The following PCDHGA3 variants were observed in gnomAD, a reference collection of about 807,000 sequenced individuals.
PCDHGA3 encodes protocadherin gamma-A3.
A neutral mutation model predicts 58.5 loss-of-function variants in PCDHGA3; 40 were observed. The ratio of observed to expected loss-of-function variants is 0.68; its 90% CI spans 0.53 to 0.89. The LOEUF (loss-of-function observed/expected upper bound fraction) is 0.89. PCDHGA3 is among the 40% of genes least tolerant of loss of function. The pLI, the probability that PCDHGA3 is intolerant of heterozygous loss-of-function variation, is 0.00. For missense variants in PCDHGA3, 1,223 were observed against 1,195.9 expected (o/e 1.02, Z -0.33); for synonymous variants, 530 against 525.7 (o/e 1.01, Z -0.11).
chr5:141,397,602 G>T (rs2150712888), intron 1 of PCDHGA3, among the ~76,000 whole-genome samples: 1 of 152,296 alleles, frequency 6.6e-6, no homozygotes, highest in African/African-American at 2.4e-5. Flanking sequence ...TATTGCCAGT[G>T]ACAAGGGCAA....
intron 1 of PCDHGA3, among the ~76,000 whole-genome samples, chr5:141,482,161 G>A (rs2099554171): frequency 6.6e-6 from 1 of 152,008 alleles, no homozygotes; most frequent in Non-Finnish European, 1.5e-5. Context: ...TCAAAGATAT[G>A]TAAGATTAAG....
chr5:141,458,970 C>T (rs1260904595), intron 1 of PCDHGA3, among the ~76,000 whole-genome samples: 1 of 152,170 alleles, frequency 6.6e-6, no homozygotes, highest in Admixed American at 6.6e-5. Flanking sequence ...CAGCCTCAAG[C>T]AGTCCTCCTG....
In PCDHGA3 at chr5:141,490,701, C is replaced by T; in HGVS notation, c.2425-4106C>T. On this transcript the variant is annotated intron_variant, in intron 1 of 3. Transcript: ENST00000253812. This position sits in a 1 kb window ranked among gnomAD's most constrained non-coding sequence, Gnocchi z 5.4. Reference sequence around the variant, plus strand: ...CAGATCCAGACACTGGGGATAATGCCCGCCTCACCTACTCCATTGTAGGAA... The same window carrying T: ...CAGATCCAGACACTGGGGATAATGCTCGCCTCACCTACTCCATTGTAGGAA... The T allele has an allele frequency of 6.2e-7, 1 of 1,614,184 alleles. No individual in the cohort carries two copies. The highest frequency in any genetic ancestry group is 8.5e-7 in the Non-Finnish European group (1 of 1,180,008).
chr5:141,421,233 G>T (rs201076931), intron 1 of PCDHGA3: 2 of 1,592,240 alleles, frequency 1.3e-6, no homozygotes, highest in Non-Finnish European at 1.7e-6. Flanking sequence ...CTGCCATGGC[G>T]AATCGGCTAC....
At chr5:141,362,726 A>T (rs1762654584) in intron 1 of PCDHGA3, 1 of 822,880 alleles carries the variant, frequency 1.2e-6, no homozygotes, top group Admixed American at 3.0e-5. Flanking sequence ...CTGAAGTGTG[A>T]GATTTATTTA....
At position 141,477,722 on chromosome 5, in the gene PCDHGA3, A is replaced by G. The variant is rs768705340; in HGVS notation, c.2425-17085A>G. 9.3e-6 allele frequency: 15 copies of G among 1,613,878 alleles called. No homozygotes were observed. In the Middle Eastern group the frequency reaches 6.6e-4, roughly 71 times the overall value. On this transcript the variant is annotated intron_variant, in intron 1 of 3. Transcript: ENST00000253812. The surrounding 1 kb of genome is among the most constrained non-coding windows in gnomAD (Gnocchi z 4.9). ...TGAGGATCGGCGGGAATTTGAATTA[A>G]CAGCTCATATCAGCGATGGGGGCAC...
intron 1 of PCDHGA3, among the ~76,000 whole-genome samples, chr5:141,450,123 T>G (rs565568384): frequency 2.4e-4 from 36 of 150,874 alleles, no homozygotes; most frequent in Non-Finnish European, 4.7e-4. Context: ...TCTCCTGCCT[T>G]AGCCTCCTGA....
At chr5:141,379,467 G>A (rs1337785290) in intron 1 of PCDHGA3, 1 of 152,222 alleles carries the variant, frequency 6.6e-6, no homozygotes, top group Non-Finnish European at 1.5e-5. Context: ...CTCTGAAAGT[G>A]TGAATGTTAT....
rs752071139 is a variant in PCDHGA3 at position 141,422,722 on chromosome 5, G to A, written c.2425-72085G>A. ...CTCTCTGACGGATGACACTGTCCAG[G>A]GGGTGCCTCTGTCCTCCTATGTCTC... On this transcript the variant is annotated intron_variant, in intron 1 of 3. Coordinates refer to ENST00000253812, the MANE Select transcript of PCDHGA3 (RefSeq NM_018916.4). The A allele has an allele frequency of 2.4e-5, 39 of 1,605,774 alleles. No homozygotes were observed. In the South Asian group the frequency reaches 4.0e-4, roughly 17 times the overall value.
chr5:141,365,211 T>G, intron 1 of PCDHGA3: 1 of 1,613,934 alleles, frequency 6.2e-7, no homozygotes, highest in Middle Eastern at 1.6e-4. Context: ...ACTTTCCAAC[T>G]TGATTCCAAC....
intron 1 of PCDHGA3, chr5:141,410,151 G>A: frequency 6.2e-7 from 1 of 1,613,018 alleles, no homozygotes; most frequent in Non-Finnish European, 8.5e-7. Flanking sequence ...CGTGACGGTG[G>A]ACAGCCGCCA....
intron 1 of PCDHGA3, chr5:141,404,311 T>G (rs746092761): frequency 1.9e-6 from 3 of 1,613,924 alleles, no homozygotes. Flanking sequence ...CTGCTTTCTC[T>G]CAAGCCTCCT....
Position 141,505,388 on chromosome 5 carries a change from C to T in PCDHGA3, c.2484-5C>T, listed in dbSNP as rs756505223. ...TCTGTGCTCACCATCCTACTCTCTCCCCAGCTCCCAAAATGGCGATGACAC... is the reference window on the plus strand; with the variant it reads ...TCTGTGCTCACCATCCTACTCTCTCTCCAGCTCCCAAAATGGCGATGACAC... On this transcript the variant is annotated splice_polypyrimidine_tract_variant and splice_region_variant and intron_variant, in intron 2 of 3. Transcript: ENST00000253812. The T allele has an allele frequency of 6.2e-7, 1 of 1,613,972 alleles. No homozygotes were observed. The highest frequency in any genetic ancestry group is 2.2e-5 in the East Asian group (1 of 44,886).
Position 141,344,855 on chromosome 5 carries a change from T to C in PCDHGA3, c.822T>C (p.Asn274=), listed in dbSNP as rs916854411. The part of the protein sequence containing the change: ...VNATDPDEGF[N]AQVSYILDKM... Reference sequence around the variant, plus strand: ...CCACTGACCCTGACGAGGGATTCAATGCTCAAGTGTCTTATATTCTAGATA... The same window carrying C: ...CCACTGACCCTGACGAGGGATTCAACGCTCAAGTGTCTTATATTCTAGATA... Residue 274 remains asparagine (N), a synonymous_variant, in exon 1 of 4, where the codon AAT becomes AAC. Coordinates refer to ENST00000253812, the MANE Select transcript of PCDHGA3 (RefSeq NM_018916.4). The C allele has an allele frequency of 6.2e-7, 1 of 1,613,880 alleles. No homozygotes were observed. Among genetic ancestry groups the C allele is most frequent in the African/African-American group, 1.3e-5 (1 of 74,926 alleles).
intron 1 of PCDHGA3, among the ~76,000 whole-genome samples, chr5:141,437,526 G>A (rs1199002765): frequency 1.3e-5 from 2 of 152,160 alleles, no homozygotes; most frequent in East Asian, 3.8e-4. Context: ...GATGACAAAT[G>A]AGCAAATTGT....
intron 1 of PCDHGA3, chr5:141,355,725 C>G (rs1161979451): frequency 6.2e-7 from 1 of 1,614,014 alleles, no homozygotes; most frequent in Admixed American, 1.7e-5. Context: ...TCAACTCAAA[C>G]GGTTACTTTT....
At position 141,366,206 on chromosome 5, in the gene PCDHGA3, G is replaced by A. The variant is rs200201332; in HGVS notation, c.2424+19749G>A. ...TGCGGTTGGGCTGCACACGGGCGAG[G>A]TGCGCACAGCGCGAGCCCTGCTGGA... On this transcript the variant is annotated intron_variant, in intron 1 of 3. Coordinates refer to ENST00000253812, the MANE Select transcript of PCDHGA3 (RefSeq NM_018916.4). 1.5e-4 allele frequency: 235 copies of A among 1,613,848 alleles called. No individual in the cohort carries two copies. The African/African-American group carries it at 2.7e-3, about 18-fold the overall frequency.
chr5:141,376,374 G>T lies in PCDHGA3; in HGVS notation c.2424+29917G>T, dbSNP rs561821467. Reference sequence around the variant, plus strand: ...GAGGTCTCACTCACTGCAGACTCGCGTAAGAGTCATCTGATTTTCCCCCAG... The same window carrying T: ...GAGGTCTCACTCACTGCAGACTCGCTTAAGAGTCATCTGATTTTCCCCCAG... On this transcript the variant is annotated intron_variant, in intron 1 of 3. Transcript: ENST00000253812. The T allele has an allele frequency of 2.0e-5, 32 of 1,614,190 alleles. No homozygotes were observed. In the African/African-American group the frequency reaches 3.2e-4, roughly 16 times the overall value.
At chr5:141,456,197 C>T (rs1353243708) in intron 1 of PCDHGA3, among the ~76,000 whole-genome samples, 1 of 152,090 alleles carries the variant, frequency 6.6e-6, no homozygotes, top group Non-Finnish European at 1.5e-5. Context: ...ATAACTCCTA[C>T]CACATTCCTC....
Sources: allele counts gnomAD v4.1 joint callset (sites outside exome capture counted in the v4.1 genomes callset), GRCh38; gene constraint gnomAD v4.1.1; non-coding constraint Gnocchi (gnomAD v3.1); transcripts MANE v1.5; gene names NCBI Gene and HGNC (gene_info 2026-07-23, HGNC 2026-07-21).